ARHGAP30: variants seen among roughly 807,000 people sequenced by gnomAD.
ARHGAP30 encodes the protein rho GTPase-activating protein 30.
A neutral mutation model predicts 72.0 loss-of-function variants in ARHGAP30; 23 were observed. The ratio of observed to expected loss-of-function variants is 0.32; its 90% CI spans 0.23 to 0.45. The LOEUF (loss-of-function observed/expected upper bound fraction) is 0.45. Ranked by LOEUF, ARHGAP30 falls within the 20% of genes least tolerant of loss-of-function variation. The pLI is 1.00. For missense variants in ARHGAP30, 1,319 were observed against 1,383.4 expected, an observed-to-expected ratio of 0.95 and a Z score of 0.74; for synonymous variants, 576 against 528.2, an observed-to-expected ratio of 1.09 and a Z score of -1.24.
At chr1:161,054,201 G>A (rs1284404582) in intron 5 of ARHGAP30, among the ~76,000 whole-genome samples, 165 bp downstream of exon 5, 1 of 152,018 alleles carries the variant, frequency 6.6e-6, no homozygotes, top group Admixed American at 6.6e-5. Flanking sequence ...AAATAGATGG[G>A]GCCCATCCGA....
Position 161,052,787 on chromosome 1 carries a change from C to T in ARHGAP30, c.675G>A (p.Val225=), listed in dbSNP as rs1449740992. ...CTGGAAGCGATCGCCACCCACTCTC[C>T]ACCTCACCACCTGGGAAAAGAAAAG... is the stretch of plus-strand genomic sequence containing the variant. ...FGGAALSGGE[V]ESGWRSLPGT... Residue 225 remains valine, a synonymous_variant, in exon 7 of 12, where the codon GTG becomes GTA. Transcript: ENST00000368013. 1.9e-6 allele frequency: 3 copies of T among 1,610,662 alleles called. No homozygotes were observed. The highest frequency in any genetic ancestry group is 1.1e-5 in the South Asian group (1 of 90,974).
At chr1:161,064,085 C>T (rs944855520) in intron 1 of ARHGAP30, among the ~76,000 whole-genome samples, 2 of 152,198 alleles carry the variant, frequency 1.3e-5, no homozygotes, top group African/African-American at 4.8e-5. Flanking sequence ...CTGTTAAGTA[C>T]TTGATGTCTG....
chr1:161,051,634 G>T lies in ARHGAP30; in HGVS notation c.1100C>A (p.Ala367Glu), dbSNP rs754279390. 1 of 1,613,114 alleles carries T rather than the reference G, an allele frequency of 6.2e-7. No homozygotes were observed. The highest frequency in any genetic ancestry group is 2.2e-5 in the East Asian group (1 of 44,896). ...CTCAGGCTCCTGTTCACCCTCTGCT[G>T]CCTCTATAGAATCGTTCTCCAAGCT... is the stretch of plus-strand genomic sequence containing the variant. ...PESLENDSIEAAEGEQEPEAE... is the reference protein window; with the variant it reads ...PESLENDSIEEAEGEQEPEAE... Residue 367 changes from alanine (A) to glutamate (E), a missense_variant, in exon 10 of 12, where the codon GCA becomes GAA. Physicochemically the swap from Ala to Glu is moderately radical, Grantham distance 107. Transcript: ENST00000368013.
Position 161,054,446 on chromosome 1 carries a change from C to T in ARHGAP30, c.456G>A (p.Leu152=). Residue 152 remains leucine, a synonymous_variant, in exon 5 of 12, where the codon TTG becomes TTA. Coordinates refer to ENST00000368013, the MANE Select transcript of ARHGAP30 (RefSeq NM_001025598.2). ...YRTLEFLMRH[L]VHMASFSAQT... is the part of the protein sequence containing the mutation. Reference sequence around the variant, plus strand: ...GGGCACTGAATGAGGCCATGTGTACCAAGTGCCTCATGAGGAACTCCAGGG... The same window carrying T: ...GGGCACTGAATGAGGCCATGTGTACTAAGTGCCTCATGAGGAACTCCAGGG... The T allele has an allele frequency of 1.2e-6, 2 of 1,613,946 alleles. No individual in the cohort carries two copies. Among genetic ancestry groups the T allele is most frequent in the Non-Finnish European group, 1.7e-6 (2 of 1,179,930 alleles).
At position 161,049,351 on chromosome 1, in the gene ARHGAP30, G is replaced by C; in HGVS notation, c.1687-17C>G. 6.2e-7 allele frequency: 1 copy of C among 1,607,876 alleles called. No homozygotes were observed. Among genetic ancestry groups the C allele is most frequent in the Non-Finnish European group, 8.5e-7 (1 of 1,176,324 alleles). On this transcript the variant is annotated splice_polypyrimidine_tract_variant and intron_variant, in intron 11 of 11. Transcript: ENST00000368013. Reference sequence around the variant, plus strand: ...CTCCTCCACCTGTAGGCACAGCATTGTGACTCAGGACCAGGAGGCCCTGTC... The same window carrying C: ...CTCCTCCACCTGTAGGCACAGCATTCTGACTCAGGACCAGGAGGCCCTGTC...
intron 1 of ARHGAP30, among the ~76,000 whole-genome samples, chr1:161,061,382 T>G (rs193039191): frequency 2.6e-5 from 4 of 151,518 alleles, no homozygotes; most frequent in African/African-American, 9.8e-5. Flanking sequence ...GCCAGGCTGG[T>G]CTCGTACTCC....
Position 161,049,687 on chromosome 1 carries a change from C to T in ARHGAP30, c.1423G>A (p.Glu475Lys), listed in dbSNP as rs750713258. ...GAGGCTGGACTTGCTTCCAACTTTT[C>T]ATCTGTTGGGGGAGAAGTAGTCCCA... ...GPGLGPGPPD[E>K]KLEASPASSP... The change falls in exon 11 of 12, where the codon GAA becomes AAA. Residue 475 changes from glutamate (E) to lysine (K), a missense_variant and splice_region_variant. Around this residue, in one of 2 missense-constraint regions of ARHGAP30, gnomAD observed 1,097 missense variants for 1,045.2 expected, o/e 1.05. Transcript: ENST00000368013. 3 of 1,612,624 alleles carry T rather than the reference C, an allele frequency of 1.9e-6. No individual in the cohort carries two copies. The South Asian group carries it at 3.3e-5, about 18-fold the overall frequency.
chr1:161,064,845 GAAAGGAA>G (rs1652638023), intron 1 of ARHGAP30, among the ~76,000 whole-genome samples: 1 of 79,540 alleles, frequency 1.3e-5, no homozygotes, highest in Non-Finnish European at 2.9e-5. Context: ...AAGAAAGAAA[GAAAGGAA>G]AGGAAGGAGA....
At chr1:161,052,828 G>C in intron 6 of ARHGAP30, 31 bp from the exon 7 acceptor site, 2 of 1,603,546 alleles carry the variant, frequency 1.2e-6, no homozygotes, top group South Asian at 1.1e-5. Context: ...GGCCAGCCAG[G>C]AACAGAGCCA....
chr1:161,051,466 T>C lies in ARHGAP30; in HGVS notation c.1268A>G (p.His423Arg), dbSNP rs1307331759. Residue 423 changes from histidine to arginine, a missense_variant, in exon 10 of 12, where the codon CAC (histidine) becomes CGC (arginine). By Grantham distance (29) the His-to-Arg change is conservative. This residue lies in a region of ARHGAP30 where 1,097 missense variants were observed against 1,045.2 expected (regional missense o/e 1.05). Transcript: ENST00000368013. ...SDPYNVNLPL[H>R]ITSILSVPPN... ...GGGCACACTGAGGATAGAGGTGATGTGTAGCGGGAGGTTGACATTGTAGGG... is the reference window on the plus strand; with the variant it reads ...GGGCACACTGAGGATAGAGGTGATGCGTAGCGGGAGGTTGACATTGTAGGG... The C allele has an allele frequency of 1.2e-6, 2 of 1,614,114 alleles. No individual in the cohort carries two copies. The highest frequency in any genetic ancestry group is 8.5e-7 in the Non-Finnish European group (1 of 1,180,040).
chr1:161,056,239 A>AG, intron 3 of ARHGAP30, 149 bp downstream of exon 3: 1 of 1,056,738 alleles, frequency 9.5e-7, no homozygotes, highest in Non-Finnish European at 1.3e-6. Context: ...AGATTTGGGG[A>AG]GGAGGGGTCT....
At chr1:161,055,804 T>TAATAA (rs1164321296) in intron 3 of ARHGAP30, among the ~76,000 whole-genome samples, 7,581 of 44,246 alleles carry the variant, frequency 0.17, 442 homozygotes, top group Non-Finnish European at 0.25. Context: ...TAAAATAAAA[T>TAATAA]AATAAAATAA....
chr1:161,061,537 GA>G (rs11368341), intron 1 of ARHGAP30, among the ~76,000 whole-genome samples: 67,810 of 144,498 alleles, frequency 0.47, 16,393 homozygotes, highest in African/African-American at 0.63. Context: ...AAGAATATCT[GA>G]AAAAAAAAAC....
Position 161,049,109 on chromosome 1 carries a change from C to T in ARHGAP30, c.1912G>A (p.Ala638Thr), listed in dbSNP as rs765919571. 1 of 1,614,186 alleles carries T rather than the reference C, an allele frequency of 6.2e-7. No homozygotes were observed. The highest frequency in any genetic ancestry group is 1.7e-5 in the Admixed American group (1 of 60,020). ...KGSGSLEGEA[A>T]GCGRQALGQG... ...CCCAGAGCCTGCCTTCCACATCCTGCTGCCTCTCCCTCCAGACTCCCTGAA... is the reference window on the plus strand; with the variant it reads ...CCCAGAGCCTGCCTTCCACATCCTGTTGCCTCTCCCTCCAGACTCCCTGAA... The change falls in exon 12 of 12, where the codon GCA becomes ACA. Residue 638 changes from alanine (A) to threonine (T), a missense_variant. This residue lies in a region of ARHGAP30 where 1,097 missense variants were observed against 1,045.2 expected (regional missense o/e 1.05). Transcript: ENST00000368013.
Position 161,060,851 on chromosome 1 carries a change from G to A in ARHGAP30, c.98-1135C>T, listed in dbSNP as rs370215248. On this transcript the variant is annotated intron_variant, in intron 1 of 11. Transcript: ENST00000368013. ...CAAGTAGCTAGAATTACAGACGCCC[G>A]CCGCTACGTCTCCAGCTAACTTTTT... Among the ~76,000 whole-genome samples the A allele has an allele frequency of 4.0e-5, 6 of 151,584 alleles. No homozygotes were observed. The East Asian group carries it at 8.0e-4, about 20-fold the overall frequency.
Position 161,051,695 on chromosome 1 carries a change from G to A in ARHGAP30, c.1039C>T (p.Pro347Ser), listed in dbSNP as rs749235418. The A allele has an allele frequency of 6.2e-7, 1 of 1,609,862 alleles. No homozygotes were observed. The highest frequency in any genetic ancestry group is 8.5e-7 in the Non-Finnish European group (1 of 1,178,542). The part of the protein sequence containing the change: ...ASDEPEGLVG[P>S]SSPRPSPLLP... ...AATGGGCTTGGCCGGGGGCTGCTGG[G>A]CCCCACCAGCCCCTCTGGCTCTGTG... The change falls in exon 10 of 12, where the codon CCC (proline) becomes TCC (serine). Residue 347 changes from proline (P) to serine (S), a missense_variant. By Grantham distance (74) the Pro-to-Ser change is moderately conservative. Around this residue, in one of 2 missense-constraint regions of ARHGAP30, gnomAD observed 1,097 missense variants for 1,045.2 expected, o/e 1.05. Coordinates refer to ENST00000368013, the MANE Select transcript of ARHGAP30 (RefSeq NM_001025598.2).
At position 161,069,486 on chromosome 1, in the gene ARHGAP30, GC is replaced by G. The variant is rs910217158; in HGVS notation, c.97+41del. 1 of 1,529,328 alleles carries G rather than the reference GC, an allele frequency of 6.5e-7. No individual in the cohort carries two copies. The highest frequency in any genetic ancestry group is 1.7e-5 in the Admixed American group (1 of 59,846). 94.7% of individuals were successfully genotyped at this position (1,529,328 alleles called of 1,614,324 possible). ...CTGGATCGGGCTGCAGATGCCCAGTGCCTCCCCACCCACCCTGCAGAAGCTG... is the reference window on the plus strand; with the variant it reads ...CTGGATCGGGCTGCAGATGCCCAGTGCTCCCCACCCACCCTGCAGAAGCTG... On this transcript the variant is annotated intron_variant, in intron 1 of 11. Transcript: ENST00000368013. This position sits in a 1 kb window ranked among gnomAD's most constrained non-coding sequence, Gnocchi z 4.9.
chr1:161,052,035 ACCACCACCACCACCACC>A (rs1557921025), intron 9 of ARHGAP30, among the ~76,000 whole-genome samples: 5 of 68,030 alleles, frequency 7.3e-5, no homozygotes, highest in Non-Finnish European at 1.5e-4. Flanking sequence ...CACCACCACC[ACCACCACCACCACCACC>A]ACCACCACAT....
rs2102024159 is a variant in ARHGAP30 at position 161,048,309 on chromosome 1, GGGCTGCCCCTCA to G, written c.2700_2711del (p.Glu901_Pro904del). ...AGGGGCATAGACAGCCGTCTGGACTGGGCTGCCCCTCAGGCTCCATCTCCTCTGGCTGAGGTG... is the reference window on the plus strand; with the variant it reads ...AGGGGCATAGACAGCCGTCTGGACTGGGCTCCATCTCCTCTGGCTGAGGTG... On this transcript the variant is annotated inframe_deletion, in exon 12 of 12. Coordinates refer to ENST00000368013, the MANE Select transcript of ARHGAP30 (RefSeq NM_001025598.2). 3 of 1,614,172 alleles carry G rather than the reference GGGCTGCCCCTCA, an allele frequency of 1.9e-6. No homozygotes were observed. Among genetic ancestry groups the G allele is most frequent in the Non-Finnish European group, 1.7e-6 (2 of 1,180,028 alleles).
Sources: gnomAD v4.1 joint callset for allele counts (sites outside exome capture counted in the v4.1 genomes callset) on GRCh38, gnomAD v4.1.1 for gene constraint, gnomAD v4.1.1 regional missense constraint, Gnocchi (gnomAD v3.1) non-coding constraint, MANE v1.5 for transcripts, NCBI Gene and HGNC (gene_info 2026-07-23, HGNC 2026-07-21) for gene names.